The following PXN variants were observed in gnomAD, a reference collection of about 807,000 sequenced individuals.
PXN encodes the protein paxillin.
PXN carries 61 observed loss-of-function variants against 103.6 expected under a neutral mutation model. That is an observed-to-expected ratio of 0.59 (90% confidence interval 0.48 to 0.73). The LOEUF is 0.73. Ranked by LOEUF, PXN falls within the 30% of genes least tolerant of loss-of-function variation. PXN has a pLI of 0.00. For synonymous variants in PXN, 562 were observed against 607.8 expected (o/e 0.92, Z 1.11); for missense variants, 1,274 against 1,460.3 (o/e 0.87, Z 2.08).
chr12:120,255,870 C>T (rs772454072), intron 1 of PXN, among the ~76,000 whole-genome samples: 32 of 139,332 alleles, frequency 2.3e-4, no homozygotes, highest in South Asian at 6.8e-4. Flanking sequence ...ACATGGCAAA[C>T]GAAACCCCAT....
chr12:120,238,742 C>T (rs1247305623), intron 1 of PXN, among the ~76,000 whole-genome samples: 1 of 152,194 alleles, frequency 6.6e-6, no homozygotes, highest in Non-Finnish European at 1.5e-5. Flanking sequence ...TTCAGGTAGA[C>T]TATTTACATC....
At chr12:120,237,591 G>C (rs1424380724) in intron 1 of PXN, among the ~76,000 whole-genome samples, 1 of 152,206 alleles carries the variant, frequency 6.6e-6, no homozygotes, top group South Asian at 2.1e-4. Context: ...TATCATAGAT[G>C]GTCACGAGTG....
chr12:120,226,647 C>T (rs1886944528), intron 1 of PXN: 1 of 1,178,584 alleles, frequency 8.5e-7, no homozygotes, highest in Non-Finnish European at 1.1e-6. Flanking sequence ...CTTGGGAGCA[C>T]AGATCCCTAG....
chr12:120,251,800 G>C (rs925569961), intron 1 of PXN, among the ~76,000 whole-genome samples: 1 of 152,162 alleles, frequency 6.6e-6, no homozygotes, highest in Admixed American at 6.6e-5. Flanking sequence ...CTGGGCAACA[G>C]AGCGAGACTT....
chr12:120,246,253 A>G (rs1891093862), intron 1 of PXN, among the ~76,000 whole-genome samples: 1 of 151,352 alleles, frequency 6.6e-6, no homozygotes, highest in Admixed American at 6.6e-5. Context: ...TAGGCTGGGC[A>G]CAGTGGCTCA....
In PXN at chr12:120,211,906, G is replaced by T. The variant is rs1594314362; in HGVS notation, c.*408C>A. ...AACAAAGACAATTAGGTCGGGGGAG[G>T]AATAAGGATAAAAAGAGACCCCAAC... is the stretch of plus-strand genomic sequence containing the variant. On this transcript the variant is annotated 3_prime_UTR_variant, in exon 15 of 15. Transcript: ENST00000637617. The T allele has an allele frequency of 3.8e-6, 2 of 525,188 alleles. No homozygotes were observed. The highest frequency in any genetic ancestry group is 7.6e-6 in the Non-Finnish European group (2 of 264,568). The allele number at this position is 525,188 out of a possible 1,614,324, so 32.5% of individuals were successfully genotyped here. A position where few individuals can be genotyped will look rare whatever the true frequency, so the allele number is the denominator to read the frequency against.
chr12:120,219,305 C>T lies in PXN; in HGVS notation c.1618G>A (p.Glu540Lys). The part of the protein sequence containing the change: ...ETPRSPEGTT[E>K]AATQDGKEQP... Reference sequence around the variant, plus strand: ...TCCTTCCCGTCCTGGGTGGCAGCTTCCGTGGTGCCCTCTGGGCTCCTTGGG... The same window carrying T: ...TCCTTCCCGTCCTGGGTGGCAGCTTTCGTGGTGCCCTCTGGGCTCCTTGGG... The change falls in exon 7 of 15, where the codon GAA becomes AAA. Residue 540 changes from glutamate (E) to lysine (K), a missense_variant. Glu to Lys is a moderately conservative substitution (Grantham distance 56). Coordinates refer to ENST00000637617, the MANE Select transcript of PXN (RefSeq NM_001385981.1). This position sits in a 1 kb window ranked among gnomAD's most constrained non-coding sequence, Gnocchi z 6.5. 1 of 1,598,440 alleles carries T rather than the reference C, an allele frequency of 6.3e-7. No individual in the cohort carries two copies. Among genetic ancestry groups the T allele is most frequent in the Non-Finnish European group, 8.5e-7 (1 of 1,179,800 alleles).
At chr12:120,259,091 A>C (rs1893465572) in intron 1 of PXN, among the ~76,000 whole-genome samples, 2 of 148,586 alleles carry the variant, frequency 1.3e-5, no homozygotes, top group Admixed American at 6.8e-5. Context: ...ACAAAAAAAA[A>C]CAAATAAAAC....
Position 120,253,388 on chromosome 12 carries a change from G to C in PXN, c.13+12229C>G, listed in dbSNP as rs953796472. ...CTCAGGAGGCTGAGACAGGAGAATTGCTTGAACCCCAGAGGCGGAGGTTGC... is the reference window on the plus strand; with the variant it reads ...CTCAGGAGGCTGAGACAGGAGAATTCCTTGAACCCCAGAGGCGGAGGTTGC... On this transcript the variant is annotated intron_variant, in intron 1 of 14. Coordinates refer to ENST00000637617, the MANE Select transcript of PXN (RefSeq NM_001385981.1). 2.0e-4 allele frequency among the ~76,000 whole-genome samples: 30 copies of C among 152,088 alleles called. 1 individual carries two copies. The highest frequency in any genetic ancestry group is 4.1e-4 in the Non-Finnish European group (28 of 68,022).
Position 120,224,725 on chromosome 12 carries a change from A to T in PXN, c.14-348T>A. 1 of 539,636 alleles carries T rather than the reference A, an allele frequency of 1.9e-6. No homozygotes were observed. Among genetic ancestry groups the T allele is most frequent in the Non-Finnish European group, 3.6e-6 (1 of 281,546 alleles). The allele number at this position is 539,636 out of a possible 1,614,324, so 33.4% of individuals were successfully genotyped here. A position where few individuals can be genotyped will look rare whatever the true frequency, so the allele number is the denominator to read the frequency against. The stretch of plus-strand genomic sequence containing the variant: ...AGTGAAGTGCCTGTCTGGAACTCTG[A>T]ATCTGCAGGGCAACGCGGAGAGAAT... On this transcript the variant is annotated intron_variant, in intron 1 of 14. Coordinates refer to ENST00000637617, the MANE Select transcript of PXN (RefSeq NM_001385981.1). The surrounding 1 kb of genome is among the most constrained non-coding windows in gnomAD (Gnocchi z 5.0).
chr12:120,215,872 G>C lies in PXN; in HGVS notation c.2302-211C>G. ...AGGAAGAAGGACAGGGAGGGGAGTC[G>C]ACCAAAGGCAGAGGAAATGGCAAGG... On this transcript the variant is annotated intron_variant, in intron 9 of 14. Transcript: ENST00000637617. The surrounding 1 kb of genome is among the most constrained non-coding windows in gnomAD (Gnocchi z 4.9). 7.5e-7 allele frequency: 1 copy of C among 1,331,462 alleles called. No individual in the cohort carries two copies. Among genetic ancestry groups the C allele is most frequent in the Non-Finnish European group, 9.8e-7 (1 of 1,021,798 alleles). 82.5% of individuals were successfully genotyped at this position (1,331,462 alleles called of 1,614,324 possible). A position where few individuals can be genotyped will look rare whatever the true frequency, so the allele number is the denominator to read the frequency against.
Position 120,216,442 on chromosome 12 carries a change from G to T in PXN, c.2132C>A (p.Ser711Tyr). ...SSPLPSLLAS[S>Y]PLGPSAYTCG... ...GGTATAAGCTGAGGGCCCCAGGGGG[G>T]AGGAGGCGAGCAGGCTGGGCAGGGG... Residue 711 changes from serine (S) to tyrosine (Y), a missense_variant, in exon 9 of 15, where the codon TCC becomes TAC. By Grantham distance (144) the Ser-to-Tyr change is moderately radical (BLOSUM62 -2). Around this residue, in one of 2 missense-constraint regions of PXN, gnomAD observed 1,178 missense variants for 1,309.0 expected, o/e 0.90. Coordinates refer to ENST00000637617, the MANE Select transcript of PXN (RefSeq NM_001385981.1). This position sits in a 1 kb window ranked among gnomAD's most constrained non-coding sequence, Gnocchi z 5.1. 7.3e-7 allele frequency: 1 copy of T among 1,378,912 alleles called. No individual in the cohort carries two copies. The highest frequency in any genetic ancestry group is 9.3e-7 in the Non-Finnish European group (1 of 1,075,792). The allele number at this position is 1,378,912 out of a possible 1,614,324, so 85.4% of individuals were successfully genotyped here.
intron 1 of PXN, among the ~76,000 whole-genome samples, chr12:120,237,102 ATTGC>A (rs1188084913): frequency 4.7e-5 from 7 of 149,772 alleles, no homozygotes; most frequent in Non-Finnish European, 8.9e-5. Flanking sequence ...GCACCTGGTC[ATTGC>A]TTGCTTGCTT....
intron 1 of PXN, among the ~76,000 whole-genome samples, chr12:120,263,383 A>G (rs1161429883): frequency 6.6e-6 from 1 of 152,196 alleles, no homozygotes; most frequent in Non-Finnish European, 1.5e-5. Flanking sequence ...GATGTAAGCA[A>G]CTGGGAGTCT....
intron 1 of PXN, among the ~76,000 whole-genome samples, chr12:120,259,141 C>T (rs916784707): frequency 3.3e-5 from 5 of 151,714 alleles, no homozygotes; most frequent in Non-Finnish European, 5.9e-5. Context: ...CCTGTAATCC[C>T]AGCACTTTGG....
intron 1 of PXN, among the ~76,000 whole-genome samples, chr12:120,254,639 C>T (rs1367624032): frequency 6.6e-6 from 1 of 151,074 alleles, no homozygotes; most frequent in African/African-American, 2.4e-5. Context: ...CAACCTCCGC[C>T]TCCCAGGTTC....
chr12:120,213,632 A>T lies in PXN; in HGVS notation c.2979+210T>A, dbSNP rs1380089958. ...GCTGCACAGGGCTGGACTGGGGGAC[A>T]TGTCTACCTTGCTCCTGGTTTGTCC... is the stretch of plus-strand genomic sequence containing the variant. On this transcript the variant is annotated intron_variant, in intron 14 of 14. Transcript: ENST00000637617. The surrounding 1 kb of genome is among the most constrained non-coding windows in gnomAD (Gnocchi z 4.2). Among the ~76,000 whole-genome samples, 3 of 152,212 alleles carry T rather than the reference A, an allele frequency of 2.0e-5. No homozygotes were observed. Among genetic ancestry groups the T allele is most frequent in the African/African-American group, 4.8e-5 (2 of 41,456 alleles).
In PXN at chr12:120,216,989, G is replaced by A. The variant is rs530268006; in HGVS notation, c.1844C>T (p.Ala615Val). The A allele has an allele frequency of 9.0e-6, 14 of 1,556,186 alleles. No homozygotes were observed. Among genetic ancestry groups the A allele is most frequent in the Middle Eastern group, 1.7e-4 (1 of 6,024 alleles). Residue 615 changes from alanine (A) to valine (V), a missense_variant, in exon 8 of 15, where the codon GCG becomes GTG. Coordinates refer to ENST00000637617, the MANE Select transcript of PXN (RefSeq NM_001385981.1). This position sits in a 1 kb window ranked among gnomAD's most constrained non-coding sequence, Gnocchi z 5.1. ...GATGCCCAGCCGCCCCTGCAGCTCCGCGATGAGCTGTTCCTGGGATGGGGT... is the reference window on the plus strand; with the variant it reads ...GATGCCCAGCCGCCCCTGCAGCTCCACGATGAGCTGTTCCTGGGATGGGGT... Reference protein sequence around the residue: ...SRTPSQEQLIAELQGRLGIQP... With the variant: ...SRTPSQEQLIVELQGRLGIQP...
At chr12:120,264,841 C>CTTA in intron 1 of PXN, among the ~76,000 whole-genome samples, 1 of 152,026 alleles carries the variant, frequency 6.6e-6, no homozygotes, top group African/African-American at 2.4e-5. Context: ...CCGTTCTAGA[C>CTTA]TTAGATACCA....
Sources: allele counts gnomAD v4.1 joint callset (sites outside exome capture counted in the v4.1 genomes callset), GRCh38; gene constraint gnomAD v4.1.1; regional missense constraint gnomAD v4.1.1; non-coding constraint Gnocchi (gnomAD v3.1); transcripts MANE v1.5; gene names NCBI Gene and HGNC (gene_info 2026-07-23, HGNC 2026-07-21).